The following ZNF813 variants were observed in gnomAD, a reference collection of about 807,000 sequenced individuals.
The protein encoded by ZNF813 is zinc finger protein 813.
A neutral mutation model predicts 7.2 loss-of-function variants in ZNF813; 3 were observed. The observed-to-expected ratio is 0.42, with a 90% CI of 0.19 to 1.08. The LOEUF is 1.08. Among genes scored for constraint, ZNF813 ranks in the 50% least tolerant of loss-of-function variants. ZNF813 has a pLI of 0.30. For synonymous variants in ZNF813, 227 were observed against 256.3 expected (o/e 0.89, Z 1.09); for missense variants, 714 against 753.3 (o/e 0.95, Z 0.61).
chr19:53,469,001 C>T (rs2086342888), intron 1 of ZNF813, among the ~76,000 whole-genome samples: 2 of 152,152 alleles, frequency 1.3e-5, no homozygotes, highest in African/African-American at 2.4e-5. Context: ...AATACCCAGG[C>T]TTTCTAGGGC....
intron 1 of ZNF813, among the ~76,000 whole-genome samples, chr19:53,472,607 CTTTCT>C (rs2086364670): frequency 7.3e-6 from 1 of 136,462 alleles, no homozygotes; most frequent in Non-Finnish European, 1.5e-5. Context: ...AAGTACAAGT[CTTTCT>C]TTTTTTTTTT....
At chr19:53,478,891 CT>C (rs202191313) in intron 1 of ZNF813, among the ~76,000 whole-genome samples, 18,149 of 136,398 alleles carry the variant, frequency 0.13, 1,328 homozygotes, top group African/African-American at 0.22. Flanking sequence ...CTCTTCATTG[CT>C]TTTTTTTTTT....
chr19:53,479,070 G>A (rs1238215353), intron 1 of ZNF813, among the ~76,000 whole-genome samples: 3 of 151,922 alleles, frequency 2.0e-5, no homozygotes, highest in Non-Finnish European at 4.4e-5. Flanking sequence ...GAGTACGTGG[G>A]ACTACAGGCC....
chr19:53,488,173 T>C (rs1455999516), intron 3 of ZNF813: 2 of 445,802 alleles, frequency 4.5e-6, no homozygotes, highest in East Asian at 7.1e-5. Flanking sequence ...TACAGGCATG[T>C]GCCACCATGC....
intron 3 of ZNF813, among the ~76,000 whole-genome samples, chr19:53,489,585 A>C (rs1272999614): frequency 6.6e-6 from 1 of 152,078 alleles, no homozygotes; most frequent in African/African-American, 2.4e-5. Context: ...CTGTTGTGAC[A>C]AAGTGAAACT....
chr19:53,475,947 C>T (rs1189108467), intron 1 of ZNF813, among the ~76,000 whole-genome samples: 4 of 152,140 alleles, frequency 2.6e-5, no homozygotes, highest in Non-Finnish European at 4.4e-5. Context: ...TCCTTTTCTC[C>T]TCTTTTTGTG....
At position 53,495,810 on chromosome 19, in the gene ZNF813, TAAAA is replaced by T. The variant is rs543903952; in HGVS notation, c.*3727_*3730del. ...TTTGTCTCAAAAAAAAATAAATAAA[TAAAA>T]AATAAAATATGTCAAGCCCCTTCTC... is the stretch of plus-strand genomic sequence containing the variant. On this transcript the variant is annotated 3_prime_UTR_variant, in exon 4 of 4. Coordinates refer to ENST00000396403, the MANE Select transcript of ZNF813 (RefSeq NM_001004301.4). 498 of 153,086 alleles carry T rather than the reference TAAAA, an allele frequency of 3.3e-3. 6 individuals are homozygous for T. Among genetic ancestry groups the T allele is most frequent in the African/African-American group, 0.011 (470 of 41,386 alleles). 9.5% of individuals were successfully genotyped at this position (153,086 alleles called of 1,614,324 possible). A position where few individuals can be genotyped will look rare whatever the true frequency, so the allele number is the denominator to read the frequency against.
intron 1 of ZNF813, among the ~76,000 whole-genome samples, chr19:53,478,824 A>G (rs898006698): frequency 2.6e-5 from 4 of 151,928 alleles, no homozygotes; most frequent in African/African-American, 9.7e-5. Context: ...AACAAAAGGG[A>G]CATCAAAAGT....
rs935595394 is a variant in ZNF813 at position 53,491,520 on chromosome 19, C to T, written c.1288C>T (p.His430Tyr). ...FNKKANLARH[H>Y]RLHSGEKPYK... ...TAAAAAGGCAAACCTTGCACGTCAT[C>T]ATAGACTTCATAGTGGAGAGAAACC... Residue 430 changes from histidine (H) to tyrosine (Y), a missense_variant, in exon 4 of 4, where the codon CAT (histidine) becomes TAT (tyrosine). His to Tyr is a moderately conservative substitution (Grantham distance 83). Around this residue, in one of 3 missense-constraint regions of ZNF813, gnomAD observed 563 missense variants for 554.2 expected, o/e 1.02. Coordinates refer to ENST00000396403, the MANE Select transcript of ZNF813 (RefSeq NM_001004301.4). The T allele has an allele frequency of 1.5e-5, 24 of 1,613,666 alleles. No homozygotes were observed. Among genetic ancestry groups the T allele is most frequent in the Non-Finnish European group, 1.9e-5 (23 of 1,179,850 alleles).
chr19:53,482,200 A>G (rs2086411562), intron 1 of ZNF813, among the ~76,000 whole-genome samples: 1 of 152,206 alleles, frequency 6.6e-6, no homozygotes. Flanking sequence ...ATAAAAAAGA[A>G]TAAAAAAATG....
chr19:53,474,152 C>T (rs1468551796), intron 1 of ZNF813, among the ~76,000 whole-genome samples: 1 of 152,152 alleles, frequency 6.6e-6, no homozygotes, highest in African/African-American at 2.4e-5. Context: ...TTTTTCTGTC[C>T]TGGTGGGGAA....
At chr19:53,485,857 T>C (rs2086431293) in intron 2 of ZNF813, among the ~76,000 whole-genome samples, 1 of 152,098 alleles carries the variant, frequency 6.6e-6, no homozygotes. Context: ...ACAGGTGCCA[T>C]GCCAGGCTAA....
In ZNF813 at chr19:53,493,691, G is replaced by A. The variant is rs1020798663; in HGVS notation, c.*1605G>A. ...GTTTATTACTTCCAGTAGTATTTTG[G>A]TTGAGTCTTTGTGATTTTCTACACA... is the stretch of plus-strand genomic sequence containing the variant. On this transcript the variant is annotated 3_prime_UTR_variant, in exon 4 of 4. Coordinates refer to ENST00000396403, the MANE Select transcript of ZNF813 (RefSeq NM_001004301.4). 5.9e-5 allele frequency: 9 copies of A among 152,118 alleles called. No individual in the cohort carries two copies. The highest frequency in any genetic ancestry group is 8.8e-5 in the Non-Finnish European group (6 of 68,002). 9.4% of individuals were successfully genotyped at this position (152,118 alleles called of 1,614,324 possible).
At chr19:53,480,257 C>A in intron 1 of ZNF813, 2 of 746,784 alleles carry the variant, frequency 2.7e-6, no homozygotes, top group Non-Finnish European at 4.9e-6. Flanking sequence ...CAAACTGTCT[C>A]TGCCTCTTCC....
chr19:53,490,839 A>T lies in ZNF813; in HGVS notation c.607A>T (p.Thr203Ser), dbSNP rs200993274. The change falls in exon 4 of 4, where the codon ACA becomes TCA. Residue 203 changes from threonine (T) to serine (S), a missense_variant. Thr to Ser is a moderately conservative substitution (Grantham distance 58, BLOSUM62 1). Around this residue, in one of 3 missense-constraint regions of ZNF813, gnomAD observed 563 missense variants for 554.2 expected, o/e 1.02. Coordinates refer to ENST00000396403, the MANE Select transcript of ZNF813 (RefSeq NM_001004301.4). ...TAATTTCCGGAATTCTTCGTTACTCACACAAAAACAGGAGGTACACATGAG... is the reference window on the plus strand; with the variant it reads ...TAATTTCCGGAATTCTTCGTTACTCTCACAAAAACAGGAGGTACACATGAG... ...GNNFRNSSLLTQKQEVHMREK... is the reference protein window; with the variant it reads ...GNNFRNSSLLSQKQEVHMREK... 6.2e-7 allele frequency: 1 copy of T among 1,614,202 alleles called. No homozygotes were observed. The highest frequency in any genetic ancestry group is 2.2e-5 in the East Asian group (1 of 44,888).
rs569242505 is a variant in ZNF813, at chr19:53,483,626, G to T, written c.-73-124G>T. 581 of 948,470 alleles carry T rather than the reference G, an allele frequency of 6.1e-4. 4 individuals carry two copies. The African/African-American group carries it at 8.5e-3, about 14-fold the overall frequency. 58.8% of individuals were successfully genotyped at this position (948,470 alleles called of 1,614,324 possible). A position where few individuals can be genotyped will look rare whatever the true frequency, so the allele number is the denominator to read the frequency against. On this transcript the variant is annotated intron_variant, in intron 1 of 3. Transcript: ENST00000396403. Reference sequence around the variant, plus strand: ...TTTCCTGTAGGAGTTTATTGTCCCTGGTGTGGTCGGCAGCATAGGGGACCG... The same window carrying T: ...TTTCCTGTAGGAGTTTATTGTCCCTTGTGTGGTCGGCAGCATAGGGGACCG...
At chr19:53,474,362 C>T (rs1484982594) in intron 1 of ZNF813, among the ~76,000 whole-genome samples, 2 of 152,182 alleles carry the variant, frequency 1.3e-5, no homozygotes, top group African/African-American at 4.8e-5. Flanking sequence ...ACAAATGGCT[C>T]AAATGACAGC....
chr19:53,483,681 T>G, intron 1 of ZNF813, 69 bp from the exon 2 acceptor site: 1 of 1,449,394 alleles, frequency 6.9e-7, no homozygotes, highest in Non-Finnish European at 9.4e-7. Context: ...CTCCTTTGTA[T>G]GTGTTGTTGT....
At chr19:53,486,853 G>C in intron 3 of ZNF813, 95 bp downstream of exon 3, 2 of 1,585,740 alleles carry the variant, frequency 1.3e-6, no homozygotes, top group Non-Finnish European at 1.7e-6. Context: ...CTGTCACCCA[G>C]GGTGGAGTGA....
Sources: gnomAD v4.1 joint callset for allele counts (sites outside exome capture counted in the v4.1 genomes callset) on GRCh38, gnomAD v4.1.1 for gene constraint, gnomAD v4.1.1 regional missense constraint, MANE v1.5 for transcripts, NCBI Gene and HGNC (gene_info 2026-07-23, HGNC 2026-07-21) for gene names.